The following UROS variants were observed in gnomAD, a reference collection of about 807,000 sequenced individuals.
The protein encoded by UROS is uroporphyrinogen III synthase.
In UROS, 18 loss-of-function variants were observed where a neutral mutation model predicts 33.0. The ratio of observed to expected loss-of-function variants is 0.55; its 90% CI spans 0.38 to 0.81. The LOEUF (loss-of-function observed/expected upper bound fraction) is 0.81, where lower values mean the gene tolerates loss of function less well. Ranked by LOEUF, UROS falls within the 30% of genes least tolerant of loss-of-function variation. The probability of loss-of-function intolerance (pLI) is 0.00; values close to 1 mark genes in which losing one functional copy is unlikely to be tolerated. For synonymous variants in UROS, 114 were observed against 121.1 expected (o/e 0.94, Z 0.38); for missense variants, 293 against 314.9 (o/e 0.93, Z 0.53).
At chr10:125,801,317 C>A (rs914913679) in intron 6 of UROS, among the ~76,000 whole-genome samples, 1 of 152,186 alleles carries the variant, frequency 6.6e-6, no homozygotes, top group South Asian at 2.1e-4. Flanking sequence ...CTACCTTTTA[C>A]CATTTAGTGT....
chr10:125,800,400 G>A (rs982097699), intron 6 of UROS, among the ~76,000 whole-genome samples: 2 of 152,122 alleles, frequency 1.3e-5, no homozygotes, highest in East Asian at 1.9e-4. Flanking sequence ...GGGCATCCTC[G>A]TGTGCGTGCT....
intron 5 of UROS, among the ~76,000 whole-genome samples, chr10:125,807,763 C>T (rs1443066546): frequency 6.6e-6 from 1 of 152,156 alleles, no homozygotes; most frequent in African/African-American, 2.4e-5. Context: ...GGGGGAAAAA[C>T]CAACCACATG....
At chr10:125,801,933 G>A (rs2133866409) in intron 6 of UROS, 1 of 848,204 alleles carries the variant, frequency 1.2e-6, no homozygotes, top group Non-Finnish European at 1.4e-6. Flanking sequence ...CAAACAAACT[G>A]TGGGTACAGC....
intron 9 of UROS, chr10:125,792,423 G>C (rs1851012007): frequency 6.6e-6 from 1 of 152,204 alleles, no homozygotes; most frequent in South Asian, 2.1e-4. Context: ...CTGGCTTTGG[G>C]GGCAGCAGCC....
At chr10:125,799,009 C>A (rs1851595136) in intron 6 of UROS, among the ~76,000 whole-genome samples, 1 of 152,224 alleles carries the variant, frequency 6.6e-6, no homozygotes, top group Admixed American at 6.5e-5. Context: ...GGGCGTTATT[C>A]ATACACATTG....
intron 7 of UROS, chr10:125,796,995 C>A (rs1564779789): frequency 2.7e-6 from 1 of 376,714 alleles, no homozygotes; most frequent in Non-Finnish European, 3.7e-6. Context: ...TATATTATTT[C>A]TTTAAGGGTA....
intron 8 of UROS, among the ~76,000 whole-genome samples, chr10:125,795,684 C>A (rs1258620238): frequency 1.3e-5 from 2 of 152,176 alleles, no homozygotes; most frequent in African/African-American, 4.8e-5. Context: ...TGATGAATAG[C>A]AATGATAACA....
rs985825610 is a variant in UROS, at chr10:125,816,601, C to T, written c.-26-76G>A. ...TAAGCAATTTCCGATGGGGACGGTA[C>T]ACAAGAAGAAGGCAATCAAATGCTT... is the stretch of plus-strand genomic sequence containing the variant. On this transcript the variant is annotated intron_variant, in intron 1 of 9. Coordinates refer to ENST00000368797, the MANE Select transcript of UROS (RefSeq NM_000375.3). 1.2e-5 allele frequency: 17 copies of T among 1,436,486 alleles called. No homozygotes were observed. The Admixed American group carries it at 2.9e-4, about 25-fold the overall frequency. 89.0% of individuals were successfully genotyped at this position (1,436,486 alleles called of 1,614,324 possible).
intron 6 of UROS, among the ~76,000 whole-genome samples, chr10:125,800,394 A>T (rs1428169560): frequency 3.9e-5 from 6 of 152,158 alleles, no homozygotes; most frequent in Non-Finnish European, 8.8e-5. Flanking sequence ...TTACCTGGGC[A>T]TCCTCGTGTG....
chr10:125,821,488 TTAAC>T (rs1471319074), intron 1 of UROS, among the ~76,000 whole-genome samples: 3 of 152,254 alleles, frequency 2.0e-5, no homozygotes, highest in African/African-American at 7.2e-5. Context: ...AGGGAGTTGT[TTAAC>T]TACAGTTTCA....
At chr10:125,818,811 T>C (rs1476226241) in intron 1 of UROS, among the ~76,000 whole-genome samples, 1 of 152,166 alleles carries the variant, frequency 6.6e-6, no homozygotes, top group Non-Finnish European at 1.5e-5. Context: ...TTTCCTGTAG[T>C]AGATGCTCAT....
At chr10:125,802,170 C>T (rs990954127) in intron 6 of UROS, 1 of 985,478 alleles carries the variant, frequency 1.0e-6, no homozygotes, top group Non-Finnish European at 1.2e-6. Context: ...AGCCTGGAGC[C>T]AGACAAGACC....
chr10:125,818,872 T>C (rs1853596830), intron 1 of UROS, among the ~76,000 whole-genome samples: 1 of 152,242 alleles, frequency 6.6e-6, no homozygotes. Flanking sequence ...CCCAGCATCT[T>C]TGAAACAGAA....
At chr10:125,813,127 T>C (rs1852959887) in intron 4 of UROS, among the ~76,000 whole-genome samples, 1 of 152,224 alleles carries the variant, frequency 6.6e-6, no homozygotes, top group South Asian at 2.1e-4. Context: ...ATCCATAGCA[T>C]GTAAACAAAC....
At chr10:125,792,442 A>C (rs1192734017) in intron 9 of UROS, 2 of 152,264 alleles carry the variant, frequency 1.3e-5, no homozygotes, top group African/African-American at 4.8e-5. Context: ...CCACGTTCAC[A>C]GCCTGGCTCT....
intron 9 of UROS, chr10:125,792,035 A>G (rs942756289): frequency 4.6e-5 from 7 of 152,186 alleles, no homozygotes; most frequent in Non-Finnish European, 8.8e-5. Context: ...GGAGTTTGAG[A>G]TCAGCCTAGG....
intron 6 of UROS, among the ~76,000 whole-genome samples, chr10:125,803,204 G>A (rs1400499566): frequency 6.6e-6 from 1 of 152,138 alleles, no homozygotes; most frequent in African/African-American, 2.4e-5. Flanking sequence ...GTTTCTTCAT[G>A]AGCAAAAGCA....
At chr10:125,802,283 G>A (rs1327494618) in intron 6 of UROS, 35 of 985,592 alleles carry the variant, frequency 3.6e-5, no homozygotes, top group South Asian at 4.7e-5. Context: ...CACATGGCAC[G>A]GGGCCCAACC....
chr10:125,792,991 T>A (rs1851058431), intron 9 of UROS: 1 of 152,204 alleles, frequency 6.6e-6, no homozygotes, highest in South Asian at 2.1e-4. Flanking sequence ...GCAGAGGTGT[T>A]AACTACTGGC....
Sources: allele counts gnomAD v4.1 joint callset (sites outside exome capture counted in the v4.1 genomes callset), GRCh38; gene constraint gnomAD v4.1.1; transcripts MANE v1.5; gene names NCBI Gene and HGNC (gene_info 2026-07-23, HGNC 2026-07-21).